CCDC110: variants seen among roughly 807,000 people sequenced by gnomAD.
CCDC110 encodes the protein coiled-coil domain containing 110, also known as coiled-coil domain-containing protein 110.
Under a neutral mutation model 77.1 loss-of-function variants are expected in CCDC110, and 70 were observed. That is an observed-to-expected ratio of 0.91 (90% CI 0.75 to 1.11). The LOEUF is 1.11. Ranked by LOEUF, CCDC110 falls within the 50% of genes least tolerant of loss-of-function variation. CCDC110 has a pLI of 0.00. For missense variants in CCDC110, 868 were observed against 942.9 expected, an observed-to-expected ratio of 0.92 and a Z score of 1.04; for synonymous variants, 295 against 312.5, an observed-to-expected ratio of 0.94 and a Z score of 0.59.
chr4:185,452,785 C>T (rs753926186), intron 6 of CCDC110, among the ~76,000 whole-genome samples: 6 of 150,078 alleles, frequency 4.0e-5, no homozygotes, highest in Non-Finnish European at 7.4e-5. Context: ...ATCGCAGCTA[C>T]TGGGGAAGCT....
chr4:185,448,053 T>C (rs1422802181), intron 6 of CCDC110, among the ~76,000 whole-genome samples: 1 of 152,158 alleles, frequency 6.6e-6, no homozygotes, highest in Non-Finnish European at 1.5e-5. Flanking sequence ...GGAGTTTCAC[T>C]CTTGTCACCC....
rs138489313 is a variant in CCDC110 at position 185,458,571 on chromosome 4, G to T, written c.2016C>A (p.Ala672=). Reference sequence around the variant, plus strand: ...TTATTTCTTGCAGAAAATTCTCTTCGGCAGTAGATTGGTAGGTTTGAATAT... The same window carrying T: ...TTATTTCTTGCAGAAAATTCTCTTCTGCAGTAGATTGGTAGGTTTGAATAT... ...IENIQTYQST[A]EENFLQEIKN... Residue 672 remains alanine, a synonymous_variant, in exon 6 of 7, where the codon GCC becomes GCA. Transcript: ENST00000307588. 6.2e-7 allele frequency: 1 copy of T among 1,607,482 alleles called. No individual in the cohort carries two copies. The highest frequency in any genetic ancestry group is 8.5e-7 in the Non-Finnish European group (1 of 1,179,240).
Position 185,471,690 on chromosome 4 carries a change from G to C in CCDC110, c.-7C>G. ...AACTCTTACCCGGGCTCATCGCCGC[G>C]GCTCATCTCTCTCGCAACCGCCGCC... On this transcript the variant is annotated 5_prime_UTR_variant, in exon 1 of 7. Coordinates refer to ENST00000307588, the MANE Select transcript of CCDC110 (RefSeq NM_152775.4). 1 of 1,546,902 alleles carries C rather than the reference G, an allele frequency of 6.5e-7. No homozygotes were observed. Among genetic ancestry groups the C allele is most frequent in the Non-Finnish European group, 8.7e-7 (1 of 1,150,726 alleles).
chr4:185,445,344 T>G lies in CCDC110; in HGVS notation c.*158A>C, dbSNP rs2095607365. On this transcript the variant is annotated 3_prime_UTR_variant, in exon 7 of 7. Transcript: ENST00000307588. ...AAATTCCCAGCTGAGAAAGCTTAAGTTATCTGCACCAAACCATTCTGTGCA... is the reference window on the plus strand; with the variant it reads ...AAATTCCCAGCTGAGAAAGCTTAAGGTATCTGCACCAAACCATTCTGTGCA... 1 of 728,592 alleles carries G rather than the reference T, an allele frequency of 1.4e-6. No homozygotes were observed. The highest frequency in any genetic ancestry group is 1.8e-5 in the African/African-American group (1 of 56,562). 45.1% of individuals were successfully genotyped at this position (728,592 alleles called of 1,614,324 possible).
intron 1 of CCDC110, 177 bp downstream of exon 1, chr4:185,471,497 C>A: frequency 9.7e-6 from 6 of 620,600 alleles, no homozygotes; most frequent in East Asian, 7.0e-5. Context: ...CCACAGCGGA[C>A]GCAGGGGGCC....
intron 2 of CCDC110, among the ~76,000 whole-genome samples, chr4:185,463,682 G>A (rs542608200): frequency 1.5e-3 from 229 of 152,278 alleles, no homozygotes; most frequent in Non-Finnish European, 2.5e-3. Context: ...AGCACTCCCC[G>A]CTTCAGACTC....
chr4:185,461,070 G>A lies in CCDC110; in HGVS notation c.327C>T (p.Gly109=). The A allele has an allele frequency of 6.3e-7, 1 of 1,576,546 alleles. No individual in the cohort carries two copies. Among genetic ancestry groups the A allele is most frequent in the Non-Finnish European group, 8.6e-7 (1 of 1,157,108 alleles). The change falls in exon 5 of 7, where the codon GGC becomes GGT. Residue 109 remains glycine, a synonymous_variant. Transcript: ENST00000307588. ...QFSSEKNLVF[G]TRIEKDLPTE... ...ATACCAAATCCTTTTCAATGCGCGT[G>A]CCAAACACCAGATTTTTTTCTGAGC...
At position 185,471,615 on chromosome 4, in the gene CCDC110, C is replaced by T. The variant is rs1435821053; in HGVS notation, c.10+59G>A. The T allele has an allele frequency of 9.1e-6, 14 of 1,539,906 alleles. No individual in the cohort carries two copies. In the African/African-American group the frequency reaches 1.4e-4, roughly 16 times the overall value. ...AGCGGGGAGCCGCCTGCTGAATGCC[C>T]TTCTGCTGCCCTCCGTTCCCGCGGC... On this transcript the variant is annotated intron_variant, in intron 1 of 6. Coordinates refer to ENST00000307588, the MANE Select transcript of CCDC110 (RefSeq NM_152775.4).
chr4:185,462,328 T>C (rs2153322468), intron 4 of CCDC110, among the ~76,000 whole-genome samples: 1 of 152,294 alleles, frequency 6.6e-6, no homozygotes, highest in South Asian at 2.1e-4. Context: ...TTAAAGTGTA[T>C]TTTTTCCCTA....
intron 2 of CCDC110, among the ~76,000 whole-genome samples, chr4:185,466,236 G>A (rs1209969875): frequency 6.6e-6 from 1 of 152,064 alleles, no homozygotes; most frequent in Non-Finnish European, 1.5e-5. Context: ...TTTGCTGGGT[G>A]TGGTGGCATG....
In CCDC110 at chr4:185,471,654, C is replaced by G. The variant is rs776860780; in HGVS notation, c.10+20G>C. On this transcript the variant is annotated intron_variant, in intron 1 of 6. Transcript: ENST00000307588. Reference sequence around the variant, plus strand: ...CGTTCCCGCGGCTCCCCTAGGAGCCCCGCCCCGTCCAACTCTTACCCGGGC... The same window carrying G: ...CGTTCCCGCGGCTCCCCTAGGAGCCGCGCCCCGTCCAACTCTTACCCGGGC... 1.3e-6 allele frequency: 2 copies of G among 1,562,306 alleles called. No homozygotes were observed.
Position 185,445,470 on chromosome 4 carries a change from C to A in CCDC110, c.*32G>T. ...AGTACAATTAACATTGGCTATTTCT[C>A]GAAGGGAGTTTCTTAGCAATCTTGA... On this transcript the variant is annotated 3_prime_UTR_variant, in exon 7 of 7. Coordinates refer to ENST00000307588, the MANE Select transcript of CCDC110 (RefSeq NM_152775.4). 1 of 1,501,146 alleles carries A rather than the reference C, an allele frequency of 6.7e-7. No individual in the cohort carries two copies. The highest frequency in any genetic ancestry group is 9.2e-7 in the Non-Finnish European group (1 of 1,088,044). 93.0% of individuals were successfully genotyped at this position (1,501,146 alleles called of 1,614,324 possible).
intron 2 of CCDC110, among the ~76,000 whole-genome samples, chr4:185,464,599 T>C (rs1317875196): frequency 6.6e-6 from 1 of 152,196 alleles, no homozygotes; most frequent in Admixed American, 6.5e-5. Context: ...CCTCTTCTAA[T>C]GAACTTAACT....
At position 185,459,069 on chromosome 4, in the gene CCDC110, T is replaced by C. The variant is rs748846388; in HGVS notation, c.1518A>G (p.Lys506=). ...KTEEYSKECL[K]EFKKIISKYN... Reference sequence around the variant, plus strand: ...ATTTACTAATTATTTTTTTAAATTCTTTAAGACACTCTTTGCTGTATTCTT... The same window carrying C: ...ATTTACTAATTATTTTTTTAAATTCCTTAAGACACTCTTTGCTGTATTCTT... The change falls in exon 6 of 7, where the codon AAA becomes AAG. Residue 506 remains lysine, a synonymous_variant. Transcript: ENST00000307588. 2 of 1,571,078 alleles carry C rather than the reference T, an allele frequency of 1.3e-6. No homozygotes were observed. The highest frequency in any genetic ancestry group is 1.7e-6 in the Non-Finnish European group (2 of 1,155,360).
At chr4:185,461,184 T>A (rs1324232616) in intron 4 of CCDC110, 25 bp from the exon 5 acceptor site, 1 of 1,229,784 alleles carries the variant, frequency 8.1e-7, no homozygotes, top group East Asian at 2.3e-5. Flanking sequence ...TTGAGAAAAA[T>A]TTGATTTCAG....
At chr4:185,455,668 G>T (rs2095634980) in intron 6 of CCDC110, among the ~76,000 whole-genome samples, 1 of 152,148 alleles carries the variant, frequency 6.6e-6, no homozygotes, top group South Asian at 2.1e-4. Flanking sequence ...TGGATCACCT[G>T]AGGTCAGGAG....
chr4:185,457,709 AT>A, intron 6 of CCDC110: 2 of 1,141,002 alleles, frequency 1.8e-6, no homozygotes, highest in Non-Finnish European at 2.3e-6. Context: ...ATTTAAAATT[AT>A]TTTGTGGGGG....
At chr4:185,469,795 C>T (rs1580205945) in intron 2 of CCDC110, among the ~76,000 whole-genome samples, 2 of 152,316 alleles carry the variant, frequency 1.3e-5, no homozygotes, top group South Asian at 2.1e-4. Flanking sequence ...CTCTTCTTTC[C>T]GGGCCCTGAC....
intron 2 of CCDC110, chr4:185,470,556 T>C: frequency 4.8e-6 from 2 of 412,520 alleles, no homozygotes; most frequent in Non-Finnish European, 9.8e-6. Context: ...TTAGTGTGTG[T>C]CCAAAAAACT....
Sources: gnomAD v4.1 joint callset for allele counts (sites outside exome capture counted in the v4.1 genomes callset) on GRCh38, gnomAD v4.1.1 for gene constraint, MANE v1.5 for transcripts, NCBI Gene and HGNC (gene_info 2026-07-23, HGNC 2026-07-21) for gene names.